DNAAF11: variants seen among roughly 807,000 people sequenced by gnomAD.
DNAAF11 encodes the protein leucine rich repeat containing 6.
A neutral mutation model predicts 60.8 loss-of-function variants in DNAAF11; 45 were observed. The observed-to-expected ratio is 0.74, with a 90% CI of 0.58 to 0.95. The LOEUF (loss-of-function observed/expected upper bound fraction) is 0.95. Ranked by LOEUF, DNAAF11 falls within the 40% of genes least tolerant of loss-of-function variation. DNAAF11 has a pLI of 0.00. For synonymous variants in DNAAF11, 191 were observed against 183.5 expected (o/e 1.04, Z -0.33); for missense variants, 546 against 546.2 (o/e 1.00, Z 0.00).
chr8:132,640,615 A>G (rs1353474627), intron 3 of DNAAF11, among the ~76,000 whole-genome samples: 1 of 152,096 alleles, frequency 6.6e-6, no homozygotes, highest in Non-Finnish European at 1.5e-5. Flanking sequence ...TTAAAAGTTA[A>G]ATTACTCTCT....
chr8:132,617,667 G>A (rs545591792), intron 7 of DNAAF11, among the ~76,000 whole-genome samples: 1 of 152,270 alleles, frequency 6.6e-6, no homozygotes, highest in South Asian at 2.1e-4. Context: ...ATGTTGAATA[G>A]GAGTGGTGAG....
At chr8:132,622,933 C>T (rs919729639) in intron 6 of DNAAF11, 3 of 355,456 alleles carry the variant, frequency 8.4e-6, no homozygotes, top group African/African-American at 2.1e-5. Flanking sequence ...ATGACCAAGA[C>T]AATTTGCCAG....
At chr8:132,659,656 A>C (rs976510375) in intron 2 of DNAAF11, among the ~76,000 whole-genome samples, 4 of 152,230 alleles carry the variant, frequency 2.6e-5, no homozygotes, top group Non-Finnish European at 4.4e-5. Flanking sequence ...AAAAATAATT[A>C]ACTCAAAAAA....
At chr8:132,625,137 C>T (rs180903998) in intron 6 of DNAAF11, 135 bp downstream of exon 6, 1 of 548,046 alleles carries the variant, frequency 1.8e-6, no homozygotes, top group Admixed American at 3.8e-5. Flanking sequence ...CAACAAAAAG[C>T]TATACTTAGA....
intron 3 of DNAAF11, among the ~76,000 whole-genome samples, chr8:132,656,130 A>G (rs1270687775): frequency 1.3e-5 from 2 of 152,208 alleles, no homozygotes; most frequent in Admixed American, 1.3e-4. Context: ...TGGTTAGATA[A>G]ATCAGTCTAC....
Position 132,675,467 on chromosome 8 carries a change from G to A in DNAAF11, c.10+17C>T, listed in dbSNP as rs1407065268. ...ACAAGGGGAACGATCGAGGACGGAA[G>A]GTGGAGGGGGGCTTACTCCAGCCCA... is the stretch of plus-strand genomic sequence containing the variant. On this transcript the variant is annotated intron_variant, in intron 1 of 11. Coordinates refer to ENST00000620350, the MANE Select transcript of DNAAF11 (RefSeq NM_012472.6). 6.4e-7 allele frequency: 1 copy of A among 1,562,592 alleles called. No individual in the cohort carries two copies. The highest frequency in any genetic ancestry group is 1.8e-5 in the Admixed American group (1 of 54,692).
intron 3 of DNAAF11, among the ~76,000 whole-genome samples, chr8:132,648,980 T>C (rs1005859558): frequency 6.6e-6 from 1 of 152,206 alleles, no homozygotes; most frequent in Non-Finnish European, 1.5e-5. Flanking sequence ...AAGCTACCAA[T>C]GACTTTCTTC....
At chr8:132,666,226 T>C (rs531144235) in intron 1 of DNAAF11, among the ~76,000 whole-genome samples, 1 of 152,172 alleles carries the variant, frequency 6.6e-6, no homozygotes, top group Non-Finnish European at 1.5e-5. Context: ...AACCTGCACA[T>C]GTACCCTCTG....
intron 11 of DNAAF11, among the ~76,000 whole-genome samples, chr8:132,575,937 G>A (rs1814701324): frequency 6.6e-6 from 1 of 152,120 alleles, no homozygotes; most frequent in African/African-American, 2.4e-5. Flanking sequence ...AACTGTTTAA[G>A]GTAAGATGCT....
At chr8:132,679,895 C>G (rs1825840992), upstream of DNAAF11, among the ~76,000 whole-genome samples, 1 of 152,146 alleles carries the variant, frequency 6.6e-6, no homozygotes, top group South Asian at 2.1e-4. Flanking sequence ...TGGACATTGC[C>G]CAGTCTCAGG....
intron 6 of DNAAF11, chr8:132,622,925 G>A (rs1424219985): frequency 5.5e-6 from 2 of 360,586 alleles, no homozygotes; most frequent in Admixed American, 4.6e-5. Context: ...GCAAAAAAAT[G>A]ACCAAGACAA....
chr8:132,696,465 A>T, the DNAAF11 span, among the ~76,000 whole-genome samples: 2 of 152,228 alleles, frequency 1.3e-5, no homozygotes, highest in Admixed American at 6.5e-5. Context: ...CATGTATGTG[A>T]ATTTCATAGC....
At chr8:132,656,424 T>A (rs1313402964) in intron 3 of DNAAF11, among the ~76,000 whole-genome samples, 6 of 152,234 alleles carry the variant, frequency 3.9e-5, no homozygotes, top group Non-Finnish European at 7.3e-5. Flanking sequence ...ATGTAAAATG[T>A]TAATTTTAAA....
the DNAAF11 span, chr8:132,687,460 A>T: frequency 5.5e-6 from 2 of 361,474 alleles, no homozygotes; most frequent in South Asian, 4.2e-5. Context: ...TTTTTCTTAT[A>T]CCTTGATGAT....
chr8:132,592,280 T>C (rs950261768), intron 10 of DNAAF11, among the ~76,000 whole-genome samples: 5 of 152,164 alleles, frequency 3.3e-5, no homozygotes, highest in Non-Finnish European at 5.9e-5. Context: ...TGTAGGAGCA[T>C]TGTGGACAGA....
the DNAAF11 span, among the ~76,000 whole-genome samples, chr8:132,681,079 C>T: frequency 5.2e-5 from 6 of 115,800 alleles, no homozygotes; most frequent in Admixed American, 1.2e-4. Context: ...GGTGCAATCT[C>T]GGCTCACTGG....
chr8:132,688,428 G>T, the DNAAF11 span, among the ~76,000 whole-genome samples: 1 of 152,160 alleles, frequency 6.6e-6, no homozygotes, highest in East Asian at 1.9e-4. Flanking sequence ...TTGTATGGCT[G>T]ACCCCACTCC....
upstream of DNAAF11, among the ~76,000 whole-genome samples, chr8:132,679,702 C>T (rs140515593): frequency 3.0e-4 from 45 of 152,158 alleles, no homozygotes; most frequent in Non-Finnish European, 2.5e-4. Flanking sequence ...TTTCTGTTCT[C>T]GTGATAGTAA....
At chr8:132,682,256 G>T in the DNAAF11 span, among the ~76,000 whole-genome samples, 1 of 152,122 alleles carries the variant, frequency 6.6e-6, no homozygotes, top group Non-Finnish European at 1.5e-5. Flanking sequence ...GGACCCCTGA[G>T]GCTCCATGTT....
Sources: gnomAD v4.1 joint callset for allele counts (sites outside exome capture counted in the v4.1 genomes callset) on GRCh38, gnomAD v4.1.1 for gene constraint, MANE v1.5 for transcripts, NCBI Gene and HGNC (gene_info 2026-07-23, HGNC 2026-07-21) for gene names.